The following ABCC4 variants were observed in gnomAD, a reference collection of about 807,000 sequenced individuals.
The protein encoded by ABCC4 is ATP-binding cassette sub-family C member 4.
ABCC4 carries 102 observed loss-of-function variants against 168.5 expected under a neutral mutation model. The ratio of observed to expected loss-of-function variants is 0.61; its 90% CI spans 0.52 to 0.71. ABCC4 has a LOEUF of 0.71. ABCC4 is among the 30% of genes least tolerant of loss of function. The pLI, the probability that ABCC4 is intolerant of heterozygous loss-of-function variation, is 0.00. For synonymous variants in ABCC4, 617 were observed against 590.7 expected (o/e 1.04, Z -0.65); for missense variants, 1,402 against 1,605.8 (o/e 0.87, Z 2.17).
chr13:95,262,128 CAAGCAGCAGCCTGG>C, intron 1 of ABCC4, among the ~76,000 whole-genome samples: 1 of 152,290 alleles, frequency 6.6e-6, no homozygotes, highest in South Asian at 2.1e-4. Context: ...AGCAAGTTCA[CAAGCAGCAGCCTGG>C]GAGCACAGCC....
rs1328107064 is a variant in ABCC4, at chr13:95,119,947, G to A, written c.2456-3946C>T. Among the ~76,000 whole-genome samples, 6 of 152,140 alleles carry A rather than the reference G, an allele frequency of 3.9e-5. No individual in the cohort carries two copies. In the East Asian group the frequency reaches 9.7e-4, roughly 25 times the overall value. On this transcript the variant is annotated intron_variant, in intron 19 of 30. Transcript: ENST00000645237. ...CATGGCACTCACAGTGCCTCCCTAT[G>A]CCCACCCCAGCCTCAAGCAACTACT...
At chr13:95,110,554 C>T (rs1486662504) in intron 20 of ABCC4, among the ~76,000 whole-genome samples, 1 of 151,942 alleles carries the variant, frequency 6.6e-6, no homozygotes. Context: ...AATTAAAATG[C>T]TAATAAGATA....
At chr13:95,102,542 C>A (rs2034847513) in intron 20 of ABCC4, among the ~76,000 whole-genome samples, 1 of 152,124 alleles carries the variant, frequency 6.6e-6, no homozygotes, top group Non-Finnish European at 1.5e-5. Context: ...CTTCGGCCTC[C>A]CAAAGTTCTG....
At chr13:95,214,684 G>C (rs1023991181) in intron 4 of ABCC4, among the ~76,000 whole-genome samples, 6 of 151,936 alleles carry the variant, frequency 3.9e-5, no homozygotes, top group Non-Finnish European at 5.9e-5. Flanking sequence ...CCAGGACTTC[G>C]AGACCAGCCT....
intron 29 of ABCC4, among the ~76,000 whole-genome samples, chr13:95,037,750 G>A (rs2032184086): frequency 6.6e-6 from 1 of 152,154 alleles, no homozygotes; most frequent in Non-Finnish European, 1.5e-5. Flanking sequence ...AAATATGCCT[G>A]TAAGCATAAA....
In ABCC4 at chr13:95,298,411, G is replaced by A. The variant is rs980890309; in HGVS notation, c.74+2830C>T. Among the ~76,000 whole-genome samples the A allele has an allele frequency of 9.2e-5, 14 of 152,232 alleles. No homozygotes were observed. In the East Asian group the frequency reaches 2.3e-3, roughly 25 times the overall value. On this transcript the variant is annotated intron_variant, in intron 1 of 30. Transcript: ENST00000645237. ...GGAAGCAGTAAGCGCCTCAAATCAGGATCACCTGGAGCACTTGAAACCTCA... is the reference window on the plus strand; with the variant it reads ...GGAAGCAGTAAGCGCCTCAAATCAGAATCACCTGGAGCACTTGAAACCTCA...
chr13:95,194,163 T>C (rs183947596), intron 9 of ABCC4, among the ~76,000 whole-genome samples: 1 of 152,324 alleles, frequency 6.6e-6, no homozygotes, highest in Non-Finnish European at 1.5e-5. Context: ...CTGCTGTTGG[T>C]CCCATTTGCC....
intron 1 of ABCC4, among the ~76,000 whole-genome samples, chr13:95,287,686 G>A (rs1365256644): frequency 6.6e-6 from 1 of 152,066 alleles, no homozygotes; most frequent in East Asian, 1.9e-4. Flanking sequence ...ATAAATTTGA[G>A]GATGTAGTGT....
At chr13:95,172,827 G>A (rs748380671) in intron 13 of ABCC4, among the ~76,000 whole-genome samples, 1 of 152,094 alleles carries the variant, frequency 6.6e-6, no homozygotes, top group Non-Finnish European at 1.5e-5. Context: ...AGCTACTCGG[G>A]AGGATCACTT....
chr13:95,207,092 G>C (rs4773845), intron 7 of ABCC4, among the ~76,000 whole-genome samples: 84,625 of 152,130 alleles, frequency 0.56, 24,610 homozygotes, highest in Non-Finnish European at 0.65. Flanking sequence ...GCAATGGTGC[G>C]ATCTCAGCTC....
intron 8 of ABCC4, among the ~76,000 whole-genome samples, chr13:95,195,161 T>C (rs1288202552): frequency 6.6e-6 from 1 of 152,212 alleles, no homozygotes; most frequent in African/African-American, 2.4e-5. Flanking sequence ...TTTTAGGAAC[T>C]ATCTGTGTAA....
chr13:95,166,313 A>C lies in ABCC4; in HGVS notation c.1879T>G (p.Phe627Val). 1.2e-6 allele frequency: 2 copies of C among 1,613,844 alleles called. No individual in the cohort carries two copies. Among genetic ancestry groups the C allele is most frequent in the Non-Finnish European group, 1.7e-6 (2 of 1,180,026 alleles). ...TTATCCTTCTTTAAAAGGGAGCCAA[A>C]ATCTATACCAGATTTTAGGAACTCA... ...YTEFLKSGID[F>V]GSLLKKDNEE... The change falls in exon 15 of 31, where the codon TTT becomes GTT. Residue 627 changes from phenylalanine to valine, a missense_variant. Physicochemically the swap from Phe to Val is conservative, Grantham distance 50. This residue lies in a region of ABCC4 where 1,007 missense variants were observed against 1,127.3 expected (regional missense o/e 0.89). Transcript: ENST00000645237.
chr13:95,111,409 T>C (rs1401596934), intron 20 of ABCC4, among the ~76,000 whole-genome samples: 1 of 152,258 alleles, frequency 6.6e-6, no homozygotes, highest in Non-Finnish European at 1.5e-5. Context: ...TTGTATTCTA[T>C]AAGTTATTTA....
intron 19 of ABCC4, 80 bp from the exon 20 acceptor site, chr13:95,116,081 CAA>C: frequency 6.5e-6 from 7 of 1,073,188 alleles, no homozygotes; most frequent in Non-Finnish European, 9.6e-6. Context: ...CAAATCAAAA[CAA>C]TATTTTAAAT....
intron 4 of ABCC4, among the ~76,000 whole-genome samples, chr13:95,228,132 T>A (rs1286351325): frequency 6.6e-6 from 1 of 152,208 alleles, no homozygotes; most frequent in East Asian, 1.9e-4. Flanking sequence ...CACAACACTG[T>A]ATGGCTCAGT....
intron 30 of ABCC4, among the ~76,000 whole-genome samples, chr13:95,033,799 T>C (rs115868689): frequency 0.023 from 3,501 of 151,936 alleles, 165 homozygotes; most frequent in African/African-American, 0.08. Flanking sequence ...GTAGCTGGGG[T>C]TACAGGCATG....
chr13:95,297,086 C>T lies in ABCC4; in HGVS notation c.74+4155G>A, dbSNP rs138279986. Among the ~76,000 whole-genome samples the T allele has an allele frequency of 7.6e-4, 116 of 151,936 alleles. 1 individual carries two copies. Among genetic ancestry groups the T allele is most frequent in the African/African-American group, 2.6e-3 (108 of 41,476 alleles). On this transcript the variant is annotated intron_variant, in intron 1 of 30. Transcript: ENST00000645237. ...AGGAGTTCGAGACCAGCCTGGCCAA[C>T]ATGGTGAAACCCTGTCTCTACTAAA...
chr13:95,267,173 C>T (rs1011958247), intron 1 of ABCC4, among the ~76,000 whole-genome samples: 1 of 152,072 alleles, frequency 6.6e-6, no homozygotes. Context: ...TGAGCCATTG[C>T]GCCTGGCCAT....
chr13:95,170,215 A>G, intron 14 of ABCC4: 1 of 208,062 alleles, frequency 4.8e-6, no homozygotes, highest in South Asian at 1.3e-4. Flanking sequence ...AATTAAAGGG[A>G]TACAAACAGG....
Sources: allele counts gnomAD v4.1 joint callset (sites outside exome capture counted in the v4.1 genomes callset), GRCh38; gene constraint gnomAD v4.1.1; regional missense constraint gnomAD v4.1.1; transcripts MANE v1.5; gene names NCBI Gene and HGNC (gene_info 2026-07-23, HGNC 2026-07-21).